PPP1R3A: variants seen among roughly 807,000 people sequenced by gnomAD.
The protein encoded by PPP1R3A is RG1.
Under a neutral mutation model 41.7 loss-of-function variants are expected in PPP1R3A, and 29 were observed. That is an observed-to-expected ratio of 0.70 (90% CI 0.52 to 0.95). The LOEUF (loss-of-function observed/expected upper bound fraction) is 0.95, where lower values mean the gene tolerates loss of function less well. PPP1R3A is among the 40% of genes least tolerant of loss of function. PPP1R3A has a pLI of 0.00. For missense variants in PPP1R3A, 1,352 were observed against 1,292.4 expected (o/e 1.05, Z -0.71); for synonymous variants, 485 against 453.4 (o/e 1.07, Z -0.89).
Position 113,878,398 on chromosome 7 carries a change from C to T in PPP1R3A, c.2694G>A (p.Val898=), listed in dbSNP as rs781291622. ...TAGTGTCTGAGTTAAAAGCAGAATG[C>T]ACAATGGCATCCGAGTCTGTTTTCT... is the stretch of plus-strand genomic sequence containing the variant. ...LSKKTDSDAI[V]HSAFNSDTNR... The change falls in exon 4 of 4, where the codon GTG becomes GTA. Residue 898 remains valine, a synonymous_variant. Coordinates refer to ENST00000284601, the MANE Select transcript of PPP1R3A (RefSeq NM_002711.4). 9.9e-6 allele frequency: 16 copies of T among 1,611,622 alleles called. No homozygotes were observed. In the African/African-American group the frequency reaches 1.6e-4, roughly 16 times the overall value.
chr7:113,914,585 AGAG>A (rs1797308522), intron 1 of PPP1R3A, among the ~76,000 whole-genome samples: 2 of 152,192 alleles, frequency 1.3e-5, no homozygotes, highest in Admixed American at 1.3e-4. Context: ...CTGAAATGAA[AGAG>A]GAGAAGAACT....
intron 1 of PPP1R3A, among the ~76,000 whole-genome samples, chr7:113,909,901 A>G (rs1273449926): frequency 6.6e-6 from 1 of 152,062 alleles, no homozygotes; most frequent in African/African-American, 2.4e-5. Flanking sequence ...CCCAAGAGAT[A>G]TGTATTAGTT....
At chr7:113,882,662 T>C (rs1232496337) in intron 1 of PPP1R3A, among the ~76,000 whole-genome samples, 1 of 151,984 alleles carries the variant, frequency 6.6e-6, no homozygotes, top group Non-Finnish European at 1.5e-5. Context: ...ATGAATTTCA[T>C]CTTTTCAAGT....
intron 1 of PPP1R3A, among the ~76,000 whole-genome samples, chr7:113,906,824 G>A (rs1360613640): frequency 1.3e-5 from 2 of 151,712 alleles, no homozygotes; most frequent in African/African-American, 2.4e-5. Context: ...TGGGAAAAAG[G>A]TCACACGTAC....
intron 1 of PPP1R3A, among the ~76,000 whole-genome samples, chr7:113,897,370 T>C (rs938884375): frequency 1.3e-5 from 2 of 151,788 alleles, no homozygotes; most frequent in Admixed American, 6.6e-5. Context: ...TGAGGTAATA[T>C]GTTTTAGAAT....
Position 113,918,550 on chromosome 7 carries a change from C to T in PPP1R3A, c.447G>A (p.Leu149=). The change falls in exon 1 of 4, where the codon TTG becomes TTA. Residue 149 remains leucine, a synonymous_variant. Coordinates refer to ENST00000284601, the MANE Select transcript of PPP1R3A (RefSeq NM_002711.4). The stretch of plus-strand genomic sequence containing the variant: ...ATACTAACTTCTCAAAAGAAACATT[C>T]AAAACTCGAATAATACCCTTGATAC... ...STSIKGIIRV[L]NVSFEKLVYV... 3 of 1,612,896 alleles carry T rather than the reference C, an allele frequency of 1.9e-6. No homozygotes were observed. Among genetic ancestry groups the T allele is most frequent in the Non-Finnish European group, 2.5e-6 (3 of 1,179,336 alleles).
rs1562916186 is a variant in PPP1R3A at position 113,878,895 on chromosome 7, T to G, written c.2197A>C (p.Ile733Leu). The G allele has an allele frequency of 6.2e-7, 1 of 1,612,992 alleles. No homozygotes were observed. Among genetic ancestry groups the G allele is most frequent in the South Asian group, 1.1e-5 (1 of 91,080 alleles). ...EKAEAGTAYI[I>L]KTTSESTPES... ...GGAGTACTTTCTGATGTTGTCTTAA[T>G]TATATAGGCTGTACCAGCTTCTGCT... The change falls in exon 4 of 4, where the codon ATT (isoleucine) becomes CTT (leucine). Residue 733 changes from isoleucine (I) to leucine (L), a missense_variant. Transcript: ENST00000284601.
chr7:113,879,597 CTT>C lies in PPP1R3A; in HGVS notation c.1493_1494del (p.Lys498ArgfsTer9), dbSNP rs1200437315. 5 of 1,613,254 alleles carry C rather than the reference CTT, an allele frequency of 3.1e-6. No individual in the cohort carries two copies. The highest frequency in any genetic ancestry group is 4.2e-6 in the Non-Finnish European group (5 of 1,179,644). On this transcript the variant is annotated frameshift_variant, in exon 4 of 4. Transcript: ENST00000284601. LOFTEE classifies it low-confidence loss of function (END_TRUNC). Reference protein sequence around the residue: ...DFHSDTSACLKESTEEGSSKE... With the variant: ...DFHSDTSACLXESTEEGSSKE... ...TTAGAAGATCCTTCTTCTGTTGATT[CTT>C]TGAGACATGCCGACGTATCTGAATG...
Position 113,879,315 on chromosome 7 carries a change from C to T in PPP1R3A, c.1777G>A (p.Glu593Lys). ...TGATGCTCTGGGGTTAACACAGCTTCTTCCCAACTTAAATTTGTCCTTGGT... is the reference window on the plus strand; with the variant it reads ...TGATGCTCTGGGGTTAACACAGCTTTTTCCCAACTTAAATTTGTCCTTGGT... The part of the protein sequence containing the change: ...HSPRTNLSWE[E>K]AVLTPEHHHL... Residue 593 changes from glutamate to lysine, a missense_variant, in exon 4 of 4, where the codon GAA (glutamate) becomes AAA (lysine). By Grantham distance (56) the Glu-to-Lys change is moderately conservative. Transcript: ENST00000284601. The T allele has an allele frequency of 6.2e-7, 1 of 1,613,598 alleles. No individual in the cohort carries two copies. Among genetic ancestry groups the T allele is most frequent in the Non-Finnish European group, 8.5e-7 (1 of 1,179,706 alleles).
intron 1 of PPP1R3A, among the ~76,000 whole-genome samples, chr7:113,908,216 C>T (rs541946956): frequency 2.0e-5 from 3 of 151,842 alleles, no homozygotes; most frequent in Non-Finnish European, 4.4e-5. Context: ...GAGATATTAC[C>T]GATATAGAAA....
At chr7:113,901,332 C>A (rs1797058184) in intron 1 of PPP1R3A, among the ~76,000 whole-genome samples, 1 of 151,744 alleles carries the variant, frequency 6.6e-6, no homozygotes, top group Non-Finnish European at 1.5e-5. Context: ...CTAAATTGGA[C>A]TCTCCAACTC....
At position 113,890,599 on chromosome 7, in the gene PPP1R3A, G is replaced by A. The variant is rs770836503; in HGVS notation, c.783-8279C>T. Among the ~76,000 whole-genome samples the A allele has an allele frequency of 5.3e-5, 8 of 152,028 alleles. No individual in the cohort carries two copies. The East Asian group carries it at 7.8e-4, about 15-fold the overall frequency. ...ACACACAATTATGCCATAGCTCTAC[G>A]CACAAAAGAATAAATGTTTGTGTAT... On this transcript the variant is annotated intron_variant, in intron 1 of 3. Coordinates refer to ENST00000284601, the MANE Select transcript of PPP1R3A (RefSeq NM_002711.4).
At chr7:113,902,111 C>T (rs117966806) in intron 1 of PPP1R3A, among the ~76,000 whole-genome samples, 65 of 151,764 alleles carry the variant, frequency 4.3e-4, no homozygotes, top group Non-Finnish European at 8.1e-4. Context: ...GAACTCAGTC[C>T]TGTTCCTCTT....
intron 1 of PPP1R3A, among the ~76,000 whole-genome samples, chr7:113,911,893 C>T (rs1178730223): frequency 2.0e-5 from 3 of 152,076 alleles, no homozygotes; most frequent in Non-Finnish European, 4.4e-5. Context: ...ATTAATACTA[C>T]CACTTTGAGT....
chr7:113,918,498 G>C lies in PPP1R3A; in HGVS notation c.499C>G (p.Gln167Glu). Residue 167 changes from glutamine to glutamate, a missense_variant, in exon 1 of 4, where the codon CAG becomes GAG. Transcript: ENST00000284601. ...TCTGCTAAAATGTCATAATGTGTCT[G>C]CCAGTCATCTAAAGACATTCTTACA... Reference protein sequence around the residue: ...VYVRMSLDDWQTHYDILAEYV... With the variant: ...VYVRMSLDDWETHYDILAEYV... 1 of 1,613,012 alleles carries C rather than the reference G, an allele frequency of 6.2e-7. No individual in the cohort carries two copies.
chr7:113,909,012 C>T (rs1368916783), intron 1 of PPP1R3A, among the ~76,000 whole-genome samples: 1 of 151,728 alleles, frequency 6.6e-6, no homozygotes, highest in African/African-American at 2.4e-5. Context: ...AAGAGGGGAG[C>T]AAGGTTTGAA....
rs148599145 is a variant in PPP1R3A at position 113,878,494 on chromosome 7, C to T, written c.2598G>A (p.Leu866=). The change falls in exon 4 of 4, where the codon TTG becomes TTA. Residue 866 remains leucine, a synonymous_variant. Coordinates refer to ENST00000284601, the MANE Select transcript of PPP1R3A (RefSeq NM_002711.4). ...CAGTTTTGTCTGTTGGTAACATTCC[C>T]AACTGTAAATCCAGTTTTGAAGTTG... ...QKATSKLDLQ[L]GMLPTDKTVF... 2.0e-5 allele frequency: 33 copies of T among 1,613,262 alleles called. No homozygotes were observed. The African/African-American group carries it at 4.4e-4, about 22-fold the overall frequency.
rs1464715858 is a variant in PPP1R3A at position 113,900,557 on chromosome 7, T to A, written c.782+17658A>T. On this transcript the variant is annotated intron_variant, in intron 1 of 3. Transcript: ENST00000284601. ...CAATGGTTTGCTTGATTTATACATATATCATTATATATGTCAATATACATA... is the reference window on the plus strand; with the variant it reads ...CAATGGTTTGCTTGATTTATACATAAATCATTATATATGTCAATATACATA... Among the ~76,000 whole-genome samples, 3 of 150,402 alleles carry A rather than the reference T, an allele frequency of 2.0e-5. No homozygotes were observed. The South Asian group carries it at 6.2e-4, about 31-fold the overall frequency.
intron 1 of PPP1R3A, among the ~76,000 whole-genome samples, chr7:113,897,944 T>C (rs2129117764): frequency 6.6e-6 from 1 of 151,892 alleles, no homozygotes; most frequent in Admixed American, 6.6e-5. Context: ...AGAGCCAAAC[T>C]CTGCTGAGAT....
Sources: allele counts gnomAD v4.1 joint callset (sites outside exome capture counted in the v4.1 genomes callset), GRCh38; gene constraint gnomAD v4.1.1; transcripts MANE v1.5; gene names NCBI Gene and HGNC (gene_info 2026-07-23, HGNC 2026-07-21).